Variants in DCLK1 observed in about 807,000 individuals in gnomAD.
The protein encoded by DCLK1 is serine/threonine-protein kinase DCLK1.
DCLK1 carries 16 observed loss-of-function variants against 86.2 expected under a neutral mutation model. That is an observed-to-expected ratio of 0.19 (90% CI 0.13 to 0.28). The LOEUF (loss-of-function observed/expected upper bound fraction) is 0.28, where lower values mean the gene tolerates loss of function less well. DCLK1 is among the 10% of genes least tolerant of loss of function. DCLK1 has a pLI of 1.00. For synonymous variants in DCLK1, 369 were observed against 370.5 expected, an observed-to-expected ratio of 1.00 and a Z score of 0.05; for missense variants, 590 against 940.2, an observed-to-expected ratio of 0.63 and a Z score of 4.87.
chr13:35,808,447 C>A (rs1035867500), intron 13 of DCLK1, 127 bp from the exon 14 acceptor site: 31 of 840,458 alleles, frequency 3.7e-5, no homozygotes, highest in Middle Eastern at 2.3e-4. Flanking sequence ...TATTTTTAAT[C>A]GATTGAAAAA....
At chr13:36,126,881 C>T (rs924656847) in intron 1 of DCLK1, among the ~76,000 whole-genome samples, 6 of 152,170 alleles carry the variant, frequency 3.9e-5, no homozygotes, top group African/African-American at 1.4e-4. Flanking sequence ...GAAACTGAGG[C>T]ACAGAAAAAT....
chr13:35,808,177 G>A (rs755291455), intron 14 of DCLK1, 47 bp downstream of exon 14: 52 of 1,526,612 alleles, frequency 3.4e-5, no homozygotes, highest in Non-Finnish European at 4.5e-5. Context: ...AAATAATTCC[G>A]TTAAGACACA....
chr13:35,993,048 C>A (rs1288807523), intron 3 of DCLK1, among the ~76,000 whole-genome samples: 1 of 152,220 alleles, frequency 6.6e-6, no homozygotes, highest in Admixed American at 6.5e-5. Flanking sequence ...GCTGTTTCTG[C>A]AGCCTTGCCT....
intron 11 of DCLK1, 129 bp downstream of exon 11, chr13:35,822,600 C>T (rs2087422104): frequency 7.4e-7 from 1 of 1,359,452 alleles, no homozygotes; most frequent in Non-Finnish European, 1.0e-6. Context: ...CAACTAGCTC[C>T]TGAAGGCTAA....
chr13:35,994,791 T>A (rs146240678), intron 3 of DCLK1, among the ~76,000 whole-genome samples: 3 of 152,228 alleles, frequency 2.0e-5, no homozygotes, highest in Non-Finnish European at 2.9e-5. Flanking sequence ...AAAGCTATTA[T>A]GGGCTTTAAA....
At chr13:35,808,505 G>A (rs1258467561) in intron 13 of DCLK1, among the ~76,000 whole-genome samples, 185 bp from the exon 14 acceptor site, 12 of 152,190 alleles carry the variant, frequency 7.9e-5, no homozygotes, top group South Asian at 6.2e-4. Flanking sequence ...TTTTTGGGCC[G>A]GGTGCGGCGG....
At chr13:35,927,776 C>CTT (rs1431099157) in intron 4 of DCLK1, among the ~76,000 whole-genome samples, 1 of 152,164 alleles carries the variant, frequency 6.6e-6, no homozygotes, top group Non-Finnish European at 1.5e-5. Flanking sequence ...AGGGTTAGGG[C>CTT]TTTGACTCAT....
chr13:35,916,333 A>G (rs1320361500), intron 4 of DCLK1, among the ~76,000 whole-genome samples: 1 of 152,218 alleles, frequency 6.6e-6, no homozygotes. Context: ...TGTACATTAT[A>G]GAAACACAAA....
At chr13:35,897,132 A>G (rs1874054460) in intron 4 of DCLK1, among the ~76,000 whole-genome samples, 1 of 152,212 alleles carries the variant, frequency 6.6e-6, no homozygotes, top group Admixed American at 6.5e-5. Context: ...GTGGCAGATA[A>G]GGACCAGATG....
At chr13:35,990,086 G>A (rs969403864) in intron 3 of DCLK1, among the ~76,000 whole-genome samples, 18 of 152,120 alleles carry the variant, frequency 1.2e-4, no homozygotes, top group Non-Finnish European at 2.2e-4. Flanking sequence ...TGATGAGAAT[G>A]TAAAAAGCAT....
At position 35,802,079 on chromosome 13, in the gene DCLK1, T is replaced by C. The variant is rs117118675; in HGVS notation, c.1944+3620A>G. On this transcript the variant is annotated intron_variant, in intron 15 of 16. Transcript: ENST00000360631. ...GAAGCTGTTCTCACTACCCTGGAAC[T>C]GTCTGGTTGTATCAGACTTTGTTCC... 3.6e-3 allele frequency among the ~76,000 whole-genome samples: 549 copies of C among 152,300 alleles called. 13 individuals are homozygous for C. Among genetic ancestry groups the C allele is most frequent in the East Asian group, 0.032 (164 of 5,178 alleles).
chr13:35,921,181 C>T (rs954822973), intron 4 of DCLK1, among the ~76,000 whole-genome samples: 13 of 152,282 alleles, frequency 8.5e-5, no homozygotes, highest in Middle Eastern at 3.4e-3. Context: ...ATCCCAAATC[C>T]GTAAAATGGC....
intron 15 of DCLK1, among the ~76,000 whole-genome samples, chr13:35,801,245 C>T (rs929031176): frequency 6.6e-6 from 1 of 151,966 alleles, no homozygotes; most frequent in Non-Finnish European, 1.5e-5. Flanking sequence ...TCTTTGAAAT[C>T]CCTAATTTAT....
intron 3 of DCLK1, among the ~76,000 whole-genome samples, chr13:36,057,767 A>C (rs1276862662): frequency 6.6e-6 from 1 of 151,706 alleles, no homozygotes; most frequent in Non-Finnish European, 1.5e-5. Context: ...GGGTGTAGAG[A>C]GAGGGATTTC....
chr13:36,097,695 A>T (rs1053166897), intron 3 of DCLK1, among the ~76,000 whole-genome samples: 4 of 152,202 alleles, frequency 2.6e-5, no homozygotes, highest in Non-Finnish European at 5.9e-5. Flanking sequence ...GTCTTTTGGC[A>T]ACCCAGTCTA....
At chr13:35,975,257 A>G (rs1330050334) in intron 3 of DCLK1, among the ~76,000 whole-genome samples, 1 of 152,226 alleles carries the variant, frequency 6.6e-6, no homozygotes, top group African/African-American at 2.4e-5. Context: ...TTGGGCAGGA[A>G]AAAACACTTA....
intron 3 of DCLK1, among the ~76,000 whole-genome samples, chr13:35,973,600 C>T (rs986567350): frequency 1.3e-5 from 2 of 151,958 alleles, no homozygotes. Flanking sequence ...CCAGTGCTGG[C>T]AAAAAGAAGG....
intron 3 of DCLK1, among the ~76,000 whole-genome samples, chr13:36,036,796 A>C (rs1882519514): frequency 6.6e-6 from 1 of 152,182 alleles, no homozygotes. Flanking sequence ...AGGAAGGTTA[A>C]AAACAGCATT....
chr13:36,123,057 T>C (rs1269118922), intron 2 of DCLK1, among the ~76,000 whole-genome samples: 1 of 152,182 alleles, frequency 6.6e-6, no homozygotes, highest in Non-Finnish European at 1.5e-5. Context: ...AGAAAATAAC[T>C]ATAAGTCCAA....
Sources: gnomAD v4.1 joint callset for allele counts (sites outside exome capture counted in the v4.1 genomes callset) on GRCh38, gnomAD v4.1.1 for gene constraint, MANE v1.5 for transcripts, NCBI Gene and HGNC (gene_info 2026-07-23, HGNC 2026-07-21) for gene names.